Variants in WDR3 observed in about 807,000 individuals in gnomAD.
The protein encoded by WDR3 is WD repeat domain 3, also known as WD repeat-containing protein 3.
Under a neutral mutation model 123.7 loss-of-function variants are expected in WDR3, and 81 were observed. The observed-to-expected ratio is 0.65, with a 90% CI of 0.55 to 0.79. WDR3 has a LOEUF of 0.79. Ranked by LOEUF, WDR3 falls within the 30% of genes least tolerant of loss-of-function variation. The probability of loss-of-function intolerance (pLI) is 0.00; values close to 1 mark genes in which losing one functional copy is unlikely to be tolerated. For synonymous variants in WDR3, 390 were observed against 388.8 expected (o/e 1.00, Z -0.04); for missense variants, 1,027 against 1,123.2 (o/e 0.91, Z 1.22).
At position 117,961,019 on chromosome 1, in the gene WDR3, C is replaced by T. The variant is rs1246545599; in HGVS notation, c.*1572C>T. 6.6e-6 allele frequency: 1 copy of T among 152,192 alleles called. No individual in the cohort carries two copies. Among genetic ancestry groups the T allele is most frequent in the Non-Finnish European group, 1.5e-5 (1 of 68,034 alleles). 9.4% of individuals were successfully genotyped at this position (152,192 alleles called of 1,614,324 possible). ...AATATCTGGGCTGCGTGCAGTGGCT[C>T]ACGCCTGTAATCCCACCACTGTGGG... On this transcript the variant is annotated 3_prime_UTR_variant, in exon 27 of 27. Coordinates refer to ENST00000349139, the MANE Select transcript of WDR3 (RefSeq NM_006784.3).
intron 14 of WDR3, 31 bp from the exon 15 acceptor site, chr1:117,949,964 T>TC: frequency 6.2e-7 from 1 of 1,613,424 alleles, no homozygotes; most frequent in Non-Finnish European, 8.5e-7. Context: ...TATACTCATT[T>TC]ATTTTTTCTT....
At chr1:117,939,090 G>A (rs1651050327) in intron 5 of WDR3, among the ~76,000 whole-genome samples, 1 of 152,178 alleles carries the variant, frequency 6.6e-6, no homozygotes, top group Non-Finnish European at 1.5e-5. Context: ...CCGGATACTT[G>A]AAGCTGAAAG....
rs1019036721 is a variant in WDR3, at chr1:117,962,088, G to C, written c.*2641G>C. 2 of 151,450 alleles carry C rather than the reference G, an allele frequency of 1.3e-5. No homozygotes were observed. Among genetic ancestry groups the C allele is most frequent in the Non-Finnish European group, 2.9e-5 (2 of 67,926 alleles). The allele number at this position is 151,450 out of a possible 1,614,324, so 9.4% of individuals were successfully genotyped here. ...AATAATTACTCTTATGTTAAAAGTTGCTGTTTTCCCGTAGCTTTGCCACCA... is the reference window on the plus strand; with the variant it reads ...AATAATTACTCTTATGTTAAAAGTTCCTGTTTTCCCGTAGCTTTGCCACCA... On this transcript the variant is annotated 3_prime_UTR_variant, in exon 27 of 27. Transcript: ENST00000349139.
intron 2 of WDR3, 118 bp from the exon 3 acceptor site, chr1:117,934,355 A>C (rs1650842910): frequency 1.1e-6 from 1 of 927,338 alleles, no homozygotes; most frequent in African/African-American, 1.7e-5. Flanking sequence ...ATTTTTATTC[A>C]TAAGAGTAAT....
At position 117,960,648 on chromosome 1, in the gene WDR3, C is replaced by T. The variant is rs537796146; in HGVS notation, c.*1201C>T. ...TCACAGCATTTTAAGTGCATACGCA[C>T]AACACTTGAGCTCACTGCATAGCAA... On this transcript the variant is annotated 3_prime_UTR_variant, in exon 27 of 27. Transcript: ENST00000349139. The T allele has an allele frequency of 1.4e-4, 22 of 152,316 alleles. No homozygotes were observed. The highest frequency in any genetic ancestry group is 5.3e-4 in the African/African-American group (22 of 41,570). 9.4% of individuals were successfully genotyped at this position (152,316 alleles called of 1,614,324 possible).
Position 117,940,947 on chromosome 1 carries a change from C to T in WDR3, c.789+7C>T. ...GGATGAAGCCCCTGAGGATGTAATTCATTTTCATTTCTTAAGTTTAATTGT... is the reference window on the plus strand; with the variant it reads ...GGATGAAGCCCCTGAGGATGTAATTTATTTTCATTTCTTAAGTTTAATTGT... On this transcript the variant is annotated splice_region_variant and intron_variant, in intron 7 of 26. Coordinates refer to ENST00000349139, the MANE Select transcript of WDR3 (RefSeq NM_006784.3). 5.6e-6 allele frequency: 9 copies of T among 1,602,656 alleles called. No individual in the cohort carries two copies. The highest frequency in any genetic ancestry group is 7.7e-6 in the Non-Finnish European group (9 of 1,176,430).
At chr1:117,954,451 C>G (rs1002218194) in intron 22 of WDR3, 129 bp from the exon 23 acceptor site, 3 of 834,030 alleles carry the variant, frequency 3.6e-6, no homozygotes, top group Non-Finnish European at 3.7e-6. Context: ...TTCTTTTACA[C>G]TCTGTCAGTT....
intron 8 of WDR3, 122 bp from the exon 9 acceptor site, chr1:117,941,628 T>G (rs1437004386): frequency 9.8e-6 from 12 of 1,219,594 alleles, no homozygotes; most frequent in Admixed American, 3.0e-5. Flanking sequence ...AGAGATTAAG[T>G]TGTCCAAGGT....
chr1:117,948,083 T>C (rs1651472604), intron 12 of WDR3, among the ~76,000 whole-genome samples: 1 of 152,226 alleles, frequency 6.6e-6, no homozygotes, highest in Non-Finnish European at 1.5e-5. Flanking sequence ...ATTTTGTTTA[T>C]TCTGATTTGC....
At chr1:117,954,712 G>A (rs1651911131) in intron 23 of WDR3, 85 bp downstream of exon 23, 1 of 1,353,950 alleles carries the variant, frequency 7.4e-7, no homozygotes. Context: ...ATTATGATTT[G>A]GGGATGGATT....
At chr1:117,944,520 T>G (rs1268582784) in intron 11 of WDR3, among the ~76,000 whole-genome samples, 1 of 152,210 alleles carries the variant, frequency 6.6e-6, no homozygotes, top group Non-Finnish European at 1.5e-5. Flanking sequence ...ACAAATACTT[T>G]GTGTCACCAC....
chr1:117,937,678 A>G (rs1650993390), intron 4 of WDR3, among the ~76,000 whole-genome samples: 1 of 152,176 alleles, frequency 6.6e-6, no homozygotes, highest in East Asian at 1.9e-4. Context: ...TATGGGACGG[A>G]CTTTGTAAAT....
At chr1:117,949,943 G>A in intron 14 of WDR3, 52 bp from the exon 15 acceptor site, 2 of 1,612,372 alleles carry the variant, frequency 1.2e-6, no homozygotes, top group Non-Finnish European at 1.7e-6. Flanking sequence ...GTTAGGATTT[G>A]TCTGAATTTG....
chr1:117,946,315 A>C lies in WDR3; in HGVS notation c.1422+136A>C, dbSNP rs1186485723. On this transcript the variant is annotated intron_variant, in intron 12 of 26. Coordinates refer to ENST00000349139, the MANE Select transcript of WDR3 (RefSeq NM_006784.3). ...ATCTGGGAGGATGTTAGTTTATTAC[A>C]TATTTTGTTTACTGAAGTTTTACTT... The C allele has an allele frequency of 1.2e-5, 7 of 571,486 alleles. 1 individual carries two copies. The highest frequency in any genetic ancestry group is 1.7e-5 in the Non-Finnish European group (6 of 352,010). 35.4% of individuals were successfully genotyped at this position (571,486 alleles called of 1,614,324 possible).
intron 16 of WDR3, 88 bp downstream of exon 16, chr1:117,950,978 ATTAT>A: frequency 9.2e-7 from 1 of 1,089,582 alleles, no homozygotes; most frequent in Non-Finnish European, 1.3e-6. Flanking sequence ...TTCATCTTAG[ATTAT>A]TTGTTTTTAT....
chr1:117,943,683 T>A (rs544482561), intron 11 of WDR3, 57 bp downstream of exon 11: 1 of 1,519,308 alleles, frequency 6.6e-7, no homozygotes, highest in East Asian at 2.3e-5. Flanking sequence ...TTAATTTTTT[T>A]TGGTACTCTT....
At chr1:117,952,854 T>A in intron 19 of WDR3, 92 bp from the exon 20 acceptor site, 1 of 1,499,956 alleles carries the variant, frequency 6.7e-7, no homozygotes, top group South Asian at 1.2e-5. Context: ...GGTATTATGT[T>A]GTCAAAGGAG....
At chr1:117,953,401 G>A (rs1651729044) in intron 20 of WDR3, 75 bp from the exon 21 acceptor site, 1 of 1,395,354 alleles carries the variant, frequency 7.2e-7, no homozygotes, top group Non-Finnish European at 1.0e-6. Flanking sequence ...TTCTCATATG[G>A]ATGTAAGATT....
rs939009290 is a variant in WDR3, at chr1:117,960,825, T to G, written c.*1378T>G. 3.9e-5 allele frequency: 6 copies of G among 152,264 alleles called. No homozygotes were observed. Among genetic ancestry groups the G allele is most frequent in the African/African-American group, 1.2e-4 (5 of 41,466 alleles). The allele number at this position is 152,264 out of a possible 1,614,324, so 9.4% of individuals were successfully genotyped here. On this transcript the variant is annotated 3_prime_UTR_variant, in exon 27 of 27. Coordinates refer to ENST00000349139, the MANE Select transcript of WDR3 (RefSeq NM_006784.3). ...TATGATCTGTATTTGTGTGTGTTAATGTTGATAATAGATTTGCGTGTATTT... is the reference window on the plus strand; with the variant it reads ...TATGATCTGTATTTGTGTGTGTTAAGGTTGATAATAGATTTGCGTGTATTT...
Sources: gnomAD v4.1 joint callset for allele counts (sites outside exome capture counted in the v4.1 genomes callset) on GRCh38, gnomAD v4.1.1 for gene constraint, MANE v1.5 for transcripts, NCBI Gene and HGNC (gene_info 2026-07-23, HGNC 2026-07-21) for gene names.